The following STAMBPL1 variants were observed in gnomAD, a reference collection of about 807,000 sequenced individuals.
The protein encoded by STAMBPL1 is STAM binding protein like 1.
A neutral mutation model predicts 52.9 loss-of-function variants in STAMBPL1; 44 were observed. The observed-to-expected ratio is 0.83, with a 90% CI of 0.65 to 1.07. STAMBPL1 has a LOEUF of 1.07. Ranked by LOEUF, STAMBPL1 falls within the 50% of genes least tolerant of loss-of-function variation. The probability of loss-of-function intolerance (pLI) is 0.00; values close to 1 mark genes in which losing one functional copy is unlikely to be tolerated. For missense variants in STAMBPL1, 511 were observed against 520.8 expected (o/e 0.98, Z 0.18); for synonymous variants, 164 against 177.3 (o/e 0.92, Z 0.60).
intron 2 of STAMBPL1, among the ~76,000 whole-genome samples, chr10:88,902,180 GTTC>G (rs1180343901): frequency 6.6e-6 from 1 of 152,108 alleles, no homozygotes; most frequent in African/African-American, 2.4e-5. Flanking sequence ...TGAAGCTCTT[GTTC>G]TTCTCACTTT....
intron 1 of STAMBPL1, among the ~76,000 whole-genome samples, chr10:88,899,163 T>C (rs1050350957): frequency 6.6e-6 from 1 of 152,064 alleles, no homozygotes; most frequent in Non-Finnish European, 1.5e-5. Context: ...GAAGTTTGTG[T>C]TTTTTTTCAT....
At chr10:88,907,032 G>T (rs901253233) in intron 3 of STAMBPL1, among the ~76,000 whole-genome samples, 5 of 151,434 alleles carry the variant, frequency 3.3e-5, no homozygotes, top group African/African-American at 1.2e-4. Flanking sequence ...ATCCTCAACT[G>T]CTGGAACTCT....
intron 6 of STAMBPL1, 82 bp downstream of exon 6, chr10:88,913,540 C>G: frequency 1.6e-6 from 2 of 1,220,598 alleles, no homozygotes; most frequent in East Asian, 4.7e-5. Context: ...GAGGGTCCTT[C>G]TCATTTCATT....
intron 1 of STAMBPL1, among the ~76,000 whole-genome samples, chr10:88,889,168 T>A (rs1388293712): frequency 6.6e-6 from 1 of 152,228 alleles, no homozygotes; most frequent in Admixed American, 6.5e-5. Context: ...ATTTTAAGTA[T>A]TCCTCTTTTG....
At chr10:88,917,170 C>T (rs1845393344) in intron 8 of STAMBPL1, among the ~76,000 whole-genome samples, 2 of 152,140 alleles carry the variant, frequency 1.3e-5, no homozygotes, top group Admixed American at 1.3e-4. Context: ...GATGATTTTA[C>T]ATAGCCTAGT....
chr10:88,911,243 A>T (rs146371206), intron 5 of STAMBPL1, among the ~76,000 whole-genome samples: 26 of 152,324 alleles, frequency 1.7e-4, no homozygotes, highest in African/African-American at 5.5e-4. Context: ...GTGTTAGAAA[A>T]CAGATTTCCT....
intron 1 of STAMBPL1, among the ~76,000 whole-genome samples, chr10:88,897,791 C>T (rs1021976954): frequency 4.6e-5 from 7 of 152,160 alleles, no homozygotes; most frequent in African/African-American, 1.7e-4. Context: ...CTGTTTGCAC[C>T]GTGTGCTTTG....
Position 88,914,614 on chromosome 10 carries a change from A to G in STAMBPL1, c.859A>G (p.Thr287Ala), listed in dbSNP as rs746285008. Residue 287 changes from threonine to alanine, a missense_variant, in exon 7 of 11, where the codon ACA (threonine) becomes GCA (alanine). Physicochemically the swap from Thr to Ala is moderately conservative, Grantham distance 58. Coordinates refer to ENST00000371926, the MANE Select transcript of STAMBPL1 (RefSeq NM_020799.4). ...HKFLQLAESN[T>A]VRGIETCGIL... ...ATTTCTGCAACTGGCAGAATCTAATACAGTGAGAGGAATAGAAACCTGTGG... is the reference window on the plus strand; with the variant it reads ...ATTTCTGCAACTGGCAGAATCTAATGCAGTGAGAGGAATAGAAACCTGTGG... 12 of 1,510,504 alleles carry G rather than the reference A, an allele frequency of 7.9e-6. No homozygotes were observed. The highest frequency in any genetic ancestry group is 1.1e-5 in the Non-Finnish European group (12 of 1,124,456). 93.6% of individuals were successfully genotyped at this position (1,510,504 alleles called of 1,614,324 possible). A position where few individuals can be genotyped will look rare whatever the true frequency, so the allele number is the denominator to read the frequency against.
At chr10:88,891,032 A>G (rs1397613840) in intron 1 of STAMBPL1, among the ~76,000 whole-genome samples, 1 of 152,216 alleles carries the variant, frequency 6.6e-6, no homozygotes. Flanking sequence ...AGTTAAGTAT[A>G]TTTCATGGAA....
At chr10:88,923,129 A>G in intron 10 of STAMBPL1, 39 bp from the exon 11 acceptor site, 1 of 1,425,670 alleles carries the variant, frequency 7.0e-7, no homozygotes, top group Non-Finnish European at 9.8e-7. Context: ...CATTATGGTG[A>G]AATCAAACAT....
intron 1 of STAMBPL1, 89 bp from the exon 2 acceptor site, chr10:88,901,567 T>A (rs1844943662): frequency 1.5e-6 from 1 of 664,756 alleles, no homozygotes. Context: ...TGTTCCTGTT[T>A]GTCTGAGGCA....
rs1003816289 is a variant in STAMBPL1, at chr10:88,910,896, T to C, written c.325-20T>C. 6.6e-6 allele frequency: 10 copies of C among 1,513,834 alleles called. No homozygotes were observed. The highest frequency in any genetic ancestry group is 8.9e-6 in the Non-Finnish European group (10 of 1,119,642). 93.8% of individuals were successfully genotyped at this position (1,513,834 alleles called of 1,614,324 possible). ...GTATTGAAAATCCCACTAATCAATA[T>C]GTATATATATTTTTAAAAGAAACTG... On this transcript the variant is annotated intron_variant, in intron 4 of 10. Coordinates refer to ENST00000371926, the MANE Select transcript of STAMBPL1 (RefSeq NM_020799.4).
intron 8 of STAMBPL1, among the ~76,000 whole-genome samples, chr10:88,918,284 C>CAT (rs1272027530): frequency 7.0e-6 from 1 of 142,232 alleles, no homozygotes; most frequent in East Asian, 2.0e-4. Flanking sequence ...GCAGCATGCA[C>CAT]ACACACACAC....
intron 7 of STAMBPL1, among the ~76,000 whole-genome samples, chr10:88,915,273 T>C (rs926912486): frequency 2.0e-5 from 3 of 152,226 alleles, no homozygotes; most frequent in Non-Finnish European, 4.4e-5. Context: ...TTTGGACGTG[T>C]CCTTTCATAG....
intron 3 of STAMBPL1, among the ~76,000 whole-genome samples, chr10:88,906,403 C>T (rs115820513): frequency 0.024 from 3,641 of 152,220 alleles, 67 homozygotes; most frequent in South Asian, 0.079. Flanking sequence ...GATGTCCTGT[C>T]ATCAATAATT....
rs945924949 is a variant in STAMBPL1 at position 88,905,625 on chromosome 10, G to A, written c.213G>A (p.Leu71=). 1 of 1,613,966 alleles carries A rather than the reference G, an allele frequency of 6.2e-7. No homozygotes were observed. The highest frequency in any genetic ancestry group is 1.7e-5 in the Admixed American group (1 of 60,014). ...CTGTGTATTTGGAAGAAGGAAATTT[G>A]GAAAATGCCTTTGTTCTTTATAATA... ...MASVYLEEGN[L]ENAFVLYNKF... The change falls in exon 3 of 11, where the codon TTG becomes TTA. Residue 71 remains leucine (L), a synonymous_variant. Transcript: ENST00000371926.
chr10:88,902,459 T>G (rs573319394), intron 2 of STAMBPL1, among the ~76,000 whole-genome samples: 2 of 152,252 alleles, frequency 1.3e-5, no homozygotes, highest in East Asian at 3.9e-4. Context: ...CTTGTAGGAG[T>G]AGCCCCATGA....
intron 5 of STAMBPL1, among the ~76,000 whole-genome samples, chr10:88,911,303 T>C (rs1313445036): frequency 6.6e-6 from 1 of 152,224 alleles, no homozygotes; most frequent in Non-Finnish European, 1.5e-5. Context: ...CAGATAACCT[T>C]GAGCCAGATG....
intron 1 of STAMBPL1, among the ~76,000 whole-genome samples, chr10:88,888,636 C>T (rs924333985): frequency 6.6e-6 from 1 of 152,100 alleles, no homozygotes; most frequent in Non-Finnish European, 1.5e-5. Flanking sequence ...TTTAGGAAGT[C>T]CTTGAATAAT....
Sources: allele counts gnomAD v4.1 joint callset (sites outside exome capture counted in the v4.1 genomes callset), GRCh38; gene constraint gnomAD v4.1.1; transcripts MANE v1.5; gene names NCBI Gene and HGNC (gene_info 2026-07-23, HGNC 2026-07-21).